RIPPLY3: variants seen among roughly 807,000 people sequenced by gnomAD.
The protein encoded by RIPPLY3 is protein ripply3.
Under a neutral mutation model 11.9 loss-of-function variants are expected in RIPPLY3, and 8 were observed. The observed-to-expected ratio is 0.67, with a 90% confidence interval of 0.40 to 1.21. The LOEUF (loss-of-function observed/expected upper bound fraction) is 1.21, where lower values mean the gene tolerates loss of function less well. Among genes scored for constraint, RIPPLY3 ranks in the 50% most tolerant of loss-of-function variants. The pLI is 0.01. For missense variants in RIPPLY3, 271 were observed against 246.0 expected, an observed-to-expected ratio of 1.10 and a Z score of -0.68; for synonymous variants, 102 against 99.0, an observed-to-expected ratio of 1.03 and a Z score of -0.18.
At chr21:37,015,719 A>T (rs2069571100) in intron 3 of RIPPLY3, among the ~76,000 whole-genome samples, 1 of 150,778 alleles carries the variant, frequency 6.6e-6, no homozygotes, top group African/African-American at 2.4e-5. Flanking sequence ...ATTTTATTTT[A>T]TTTATTTATT....
chr21:37,011,159 C>T (rs1378223067), intron 2 of RIPPLY3, among the ~76,000 whole-genome samples: 9 of 152,094 alleles, frequency 5.9e-5, no homozygotes, highest in Admixed American at 3.3e-4. Flanking sequence ...TGCGCCACCA[C>T]GCCCGGCTAA....
Position 37,018,473 on chromosome 21 carries a change from A to C in RIPPLY3, c.*266A>C, listed in dbSNP as rs909775970. On this transcript the variant is annotated 3_prime_UTR_variant, in exon 4 of 4. Coordinates refer to ENST00000329553, the MANE Select transcript of RIPPLY3 (RefSeq NM_018962.3). The stretch of plus-strand genomic sequence containing the variant: ...TCTATGTCAACAGAGTTGTTATCTC[A>C]TAGAGCCAGTTTTCAAAGCTCCTTC... 1.5e-4 allele frequency: 70 copies of C among 452,746 alleles called. No homozygotes were observed. The highest frequency in any genetic ancestry group is 1.9e-4 in the Non-Finnish European group (49 of 252,408). The allele number at this position is 452,746 out of a possible 1,614,324, so 28.0% of individuals were successfully genotyped here. A position where few individuals can be genotyped will look rare whatever the true frequency, so the allele number is the denominator to read the frequency against.
At chr21:37,017,136 G>A (rs1379882489) in intron 3 of RIPPLY3, among the ~76,000 whole-genome samples, 2 of 138,142 alleles carry the variant, frequency 1.4e-5, no homozygotes, top group Non-Finnish European at 3.1e-5. Context: ...CTGGGTGAGA[G>A]AGTAAGACTC....
intron 3 of RIPPLY3, among the ~76,000 whole-genome samples, chr21:37,016,021 AT>A (rs2069574873): frequency 1.3e-5 from 2 of 151,908 alleles, no homozygotes; most frequent in Non-Finnish European, 2.9e-5. Flanking sequence ...ACCCCAGCAT[AT>A]TCTAAAGCCA....
At chr21:37,017,780 G>A in intron 3 of RIPPLY3, 94 bp from the exon 4 acceptor site, 2 of 950,984 alleles carry the variant, frequency 2.1e-6, no homozygotes, top group Non-Finnish European at 3.1e-6. Flanking sequence ...AGGAAGACTG[G>A]GGAGTTCTCT....
chr21:37,008,858 G>C (rs546775885), intron 2 of RIPPLY3, among the ~76,000 whole-genome samples: 1 of 152,162 alleles, frequency 6.6e-6, no homozygotes, highest in Admixed American at 6.5e-5. Flanking sequence ...GTCGGGAGGG[G>C]AGGGGAGAGG....
At chr21:37,011,179 T>A (rs773224759) in intron 2 of RIPPLY3, among the ~76,000 whole-genome samples, 44 of 152,168 alleles carry the variant, frequency 2.9e-4, no homozygotes, top group Admixed American at 2.1e-3. Context: ...ATTTTTGTAT[T>A]TGTAGTAGGG....
chr21:37,008,035 T>A lies in RIPPLY3; in HGVS notation c.105-122T>A, dbSNP rs2069482929. On this transcript the variant is annotated intron_variant, in intron 1 of 3. Coordinates refer to ENST00000329553, the MANE Select transcript of RIPPLY3 (RefSeq NM_018962.3). ...CAGCCCTGAGAACTCCAGGGAAAGTTCCTGGGGGGTCCGGTGCCTCTTTTT... is the reference window on the plus strand; with the variant it reads ...CAGCCCTGAGAACTCCAGGGAAAGTACCTGGGGGGTCCGGTGCCTCTTTTT... The A allele has an allele frequency of 2.3e-5, 22 of 955,260 alleles. No homozygotes were observed. In the South Asian group the frequency reaches 3.5e-4, roughly 15 times the overall value. 59.2% of individuals were successfully genotyped at this position (955,260 alleles called of 1,614,324 possible). A position where few individuals can be genotyped will look rare whatever the true frequency, so the allele number is the denominator to read the frequency against.
chr21:37,008,614 T>C (rs1471825887), intron 2 of RIPPLY3, among the ~76,000 whole-genome samples: 5 of 151,698 alleles, frequency 3.3e-5, no homozygotes, highest in African/African-American at 1.2e-4. Flanking sequence ...AAAAATTAGC[T>C]GGGCATGGTG....
At chr21:37,010,220 G>C (rs888455084) in intron 2 of RIPPLY3, among the ~76,000 whole-genome samples, 15 of 152,148 alleles carry the variant, frequency 9.9e-5, no homozygotes, top group Non-Finnish European at 2.1e-4. Flanking sequence ...TAGGCCGGGC[G>C]CGTGGCTCAC....
At chr21:37,017,528 A>G (rs574068523) in intron 3 of RIPPLY3, among the ~76,000 whole-genome samples, 2 of 152,310 alleles carry the variant, frequency 1.3e-5, no homozygotes, top group Non-Finnish European at 1.5e-5. Flanking sequence ...ATCCAAGAAG[A>G]GTCAAGTCCG....
Position 37,006,858 on chromosome 21 carries a change from C to T in RIPPLY3, c.86C>T (p.Pro29Leu). 8.2e-7 allele frequency: 1 copy of T among 1,221,514 alleles called. No individual in the cohort carries two copies. The highest frequency in any genetic ancestry group is 1.0e-6 in the Non-Finnish European group (1 of 981,226). 75.7% of individuals were successfully genotyped at this position (1,221,514 alleles called of 1,614,324 possible). A position where few individuals can be genotyped will look rare whatever the true frequency, so the allele number is the denominator to read the frequency against. Residue 29 changes from proline to leucine, a missense_variant, in exon 1 of 4, where the codon CCA becomes CTA. Coordinates refer to ENST00000329553, the MANE Select transcript of RIPPLY3 (RefSeq NM_018962.3). This position sits in a 1 kb window ranked among gnomAD's most constrained non-coding sequence, Gnocchi z 5.2. The stretch of plus-strand genomic sequence containing the variant: ...GGGGACGCTCCCTGGAGGCCTCCGC[C>T]ACCGCGCGGGCCGGAGAGGTGAGGG... The part of the protein sequence containing the change: ...CPGDAPWRPP[P>L]PRGPESPAPW...
intron 2 of RIPPLY3, among the ~76,000 whole-genome samples, chr21:37,009,328 G>C (rs1487467680): frequency 6.6e-6 from 1 of 151,734 alleles, no homozygotes; most frequent in Non-Finnish European, 1.5e-5. Context: ...ATGGACTAAC[G>C]TGCAGTTATT....
chr21:37,013,054 C>T (rs578211234), intron 2 of RIPPLY3, among the ~76,000 whole-genome samples: 5 of 151,940 alleles, frequency 3.3e-5, no homozygotes, highest in Non-Finnish European at 7.4e-5. Context: ...AGATTCCACC[C>T]GCCTCAATCT....
chr21:37,019,358 A>T lies in RIPPLY3; in HGVS notation c.*1151A>T, dbSNP rs2069617430. ...ATAAAAATGTATGTGATGACTGTAT[A>T]AGGAGGCCTGTGTGTATGAATTTAT... On this transcript the variant is annotated 3_prime_UTR_variant, in exon 4 of 4. Transcript: ENST00000329553. 1 of 152,078 alleles carries T rather than the reference A, an allele frequency of 6.6e-6. No individual in the cohort carries two copies. The highest frequency in any genetic ancestry group is 2.4e-5 in the African/African-American group (1 of 41,426). The allele number at this position is 152,078 out of a possible 1,614,324, so 9.4% of individuals were successfully genotyped here. A position where few individuals can be genotyped will look rare whatever the true frequency, so the allele number is the denominator to read the frequency against.
At chr21:37,007,925 G>A (rs2277784) in intron 1 of RIPPLY3, among the ~76,000 whole-genome samples, 26,398 of 152,150 alleles carry the variant, frequency 0.17, 2,892 homozygotes, top group South Asian at 0.33. Context: ...TGAGATTCGG[G>A]ACCTCCCTTC....
intron 1 of RIPPLY3, 118 bp from the exon 2 acceptor site, chr21:37,008,039 G>A: frequency 1.0e-6 from 1 of 996,000 alleles, no homozygotes; most frequent in East Asian, 2.6e-5. Flanking sequence ...GAAAGTTCCT[G>A]GGGGGTCCGG....
At chr21:37,012,216 TTATTATTA>T (rs1569286384) in intron 2 of RIPPLY3, among the ~76,000 whole-genome samples, 17 of 75,416 alleles carry the variant, frequency 2.3e-4, no homozygotes, top group South Asian at 1.8e-3. Context: ...TCCTTATTTA[TTATTATTA>T]TTATTATTAT....
chr21:37,009,132 GGTAAC>G (rs779505739), intron 2 of RIPPLY3, among the ~76,000 whole-genome samples: 3 of 152,008 alleles, frequency 2.0e-5, no homozygotes, highest in Non-Finnish European at 2.9e-5. Flanking sequence ...ACTCTGCATT[GGTAAC>G]TCAGTTGCTT....
Sources: allele counts gnomAD v4.1 joint callset (sites outside exome capture counted in the v4.1 genomes callset), GRCh38; gene constraint gnomAD v4.1.1; non-coding constraint Gnocchi (gnomAD v3.1); transcripts MANE v1.5; gene names NCBI Gene and HGNC (gene_info 2026-07-23, HGNC 2026-07-21).